Variants in RAD18 observed in about 807,000 individuals in gnomAD.
RAD18 encodes the protein RAD18 E3 ubiquitin protein ligase, also known as E3 ubiquitin-protein ligase RAD18.
RAD18 carries 47 observed loss-of-function variants against 60.4 expected under a neutral mutation model. That is an observed-to-expected ratio of 0.78 (90% CI 0.62 to 0.99). The LOEUF (loss-of-function observed/expected upper bound fraction) is 0.99. RAD18 is among the 50% of genes least tolerant of loss of function. RAD18 has a pLI of 0.00. For synonymous variants in RAD18, 225 were observed against 195.5 expected (o/e 1.15, Z -1.26); for missense variants, 640 against 593.3 (o/e 1.08, Z -0.82).
Position 8,881,209 on chromosome 3 carries a change from G to A in RAD18, c.*148C>T. ...TATTTTGTAACATTTTTCCCCTCTG[G>A]AAAAGCAGAAAAGAATGAATATCAG... is the stretch of plus-strand genomic sequence containing the variant. On this transcript the variant is annotated 3_prime_UTR_variant, in exon 13 of 13. Coordinates refer to ENST00000264926, the MANE Select transcript of RAD18 (RefSeq NM_020165.4). The A allele has an allele frequency of 1.5e-6, 1 of 674,956 alleles. No homozygotes were observed. Among genetic ancestry groups the A allele is most frequent in the East Asian group, 3.0e-5 (1 of 33,784 alleles). The allele number at this position is 674,956 out of a possible 1,614,324, so 41.8% of individuals were successfully genotyped here.
chr3:8,909,665 C>G (rs1245650018), intron 9 of RAD18, among the ~76,000 whole-genome samples: 1 of 152,018 alleles, frequency 6.6e-6, no homozygotes, highest in Non-Finnish European at 1.5e-5. Context: ...TACAAACAGC[C>G]AAATTATCAA....
At chr3:8,960,010 G>A (rs890988119) in intron 1 of RAD18, among the ~76,000 whole-genome samples, 2 of 152,112 alleles carry the variant, frequency 1.3e-5, no homozygotes, top group Non-Finnish European at 2.9e-5. Context: ...AGGAAGAGGT[G>A]AGTAAGAATG....
At chr3:8,937,761 C>A (rs1346068825) in intron 6 of RAD18, among the ~76,000 whole-genome samples, 1 of 152,122 alleles carries the variant, frequency 6.6e-6, no homozygotes, top group Non-Finnish European at 1.5e-5. Flanking sequence ...CTAACAGTAA[C>A]CCTTAATGTA....
intron 2 of RAD18, among the ~76,000 whole-genome samples, chr3:8,950,948 G>C (rs1335227264): frequency 6.6e-6 from 1 of 151,968 alleles, no homozygotes. Flanking sequence ...CATGTCAATG[G>C]AAACCTCCAA....
At chr3:8,947,197 T>A (rs768515937) in intron 4 of RAD18, 23 bp downstream of exon 4, 18 of 1,551,662 alleles carry the variant, frequency 1.2e-5, no homozygotes, top group Non-Finnish European at 1.6e-5. Flanking sequence ...TAGTTAGAGG[T>A]TAGTCACAAA....
chr3:8,941,258 T>C (rs775604320), intron 5 of RAD18, among the ~76,000 whole-genome samples: 4 of 152,180 alleles, frequency 2.6e-5, no homozygotes, highest in Non-Finnish European at 5.9e-5. Context: ...TAATTAAAAT[T>C]GTTTCCTTTT....
At chr3:8,899,557 G>A (rs973720729) in intron 10 of RAD18, among the ~76,000 whole-genome samples, 2 of 152,108 alleles carry the variant, frequency 1.3e-5, no homozygotes, top group Non-Finnish European at 2.9e-5. Flanking sequence ...ACAGACATAA[G>A]GAATATTTCC....
intron 12 of RAD18, 83 bp from the exon 13 acceptor site, chr3:8,881,542 T>C (rs1939462470): frequency 9.1e-7 from 1 of 1,097,476 alleles, no homozygotes; most frequent in Non-Finnish European, 1.4e-6. Context: ...TTTTCACACA[T>C]ATTATTTCAT....
chr3:8,904,490 G>A (rs1391185670), intron 9 of RAD18, among the ~76,000 whole-genome samples: 1 of 152,128 alleles, frequency 6.6e-6, no homozygotes, highest in Non-Finnish European at 1.5e-5. Context: ...GCTATAAAAT[G>A]TATGGCATAT....
At chr3:8,941,952 A>G (rs1168099629) in intron 4 of RAD18, 148 bp from the exon 5 acceptor site, 2 of 714,800 alleles carry the variant, frequency 2.8e-6, no homozygotes, top group African/African-American at 1.8e-5. Context: ...TTCTTCTAGT[A>G]TAACTCAAAG....
chr3:8,940,461 A>G (rs1940728776), intron 5 of RAD18, among the ~76,000 whole-genome samples: 1 of 152,216 alleles, frequency 6.6e-6, no homozygotes, highest in Admixed American at 6.5e-5. Context: ...TGAAATTTAT[A>G]TATCTTTAAA....
chr3:8,913,672 C>T lies in RAD18; in HGVS notation c.938G>A (p.Arg313His), dbSNP rs150523552. The T allele has an allele frequency of 3.1e-5, 49 of 1,573,396 alleles. No individual in the cohort carries two copies. The highest frequency in any genetic ancestry group is 2.5e-4 in the African/African-American group (18 of 72,960). ...EIENIEKTRMRLEASKLNESV... is the reference protein window; with the variant it reads ...EIENIEKTRMHLEASKLNESV... ...TTCATTGAGTTTACTAGCTTCAAGA[C>T]GCATCCTAGTCTTCTCTATATTTTC... The change falls in exon 8 of 13, where the codon CGT becomes CAT. Residue 313 changes from arginine (R) to histidine (H), a missense_variant. Transcript: ENST00000264926.
At chr3:8,944,204 C>A (rs1226798097) in intron 4 of RAD18, among the ~76,000 whole-genome samples, 1 of 152,058 alleles carries the variant, frequency 6.6e-6, no homozygotes, top group African/African-American at 2.4e-5. Context: ...ATAAAATGGA[C>A]AAATTCTTTG....
Position 8,914,787 on chromosome 3 carries a change from C to T in RAD18, c.890-1067G>A, listed in dbSNP as rs1248697582. ...AGGGACCATTTGCATTCTATCCAATCCATTAATACAAGTATCACTAAAGAC... is the reference window on the plus strand; with the variant it reads ...AGGGACCATTTGCATTCTATCCAATTCATTAATACAAGTATCACTAAAGAC... On this transcript the variant is annotated intron_variant, in intron 7 of 12. Transcript: ENST00000264926. 2.6e-5 allele frequency among the ~76,000 whole-genome samples: 4 copies of T among 152,098 alleles called. No homozygotes were observed. The East Asian group carries it at 5.8e-4, about 22-fold the overall frequency.
chr3:8,942,590 C>T (rs1190706893), intron 4 of RAD18, among the ~76,000 whole-genome samples: 1 of 152,124 alleles, frequency 6.6e-6, no homozygotes, highest in Non-Finnish European at 1.5e-5. Flanking sequence ...TGAAGTAGTC[C>T]AACATTTCCC....
rs764550531 is a variant in RAD18 at position 8,963,415 on chromosome 3, C to A, written c.-30G>T. On this transcript the variant is annotated 5_prime_UTR_variant, in exon 1 of 13. Coordinates refer to ENST00000264926, the MANE Select transcript of RAD18 (RefSeq NM_020165.4). ...GCTCCCGAGGATGCTGGGGGTCAGC[C>A]ACCCACTAGCCTCCGGCGCTCCAAC... 6.4e-7 allele frequency: 1 copy of A among 1,571,064 alleles called. No homozygotes were observed.
intron 11 of RAD18, among the ~76,000 whole-genome samples, chr3:8,893,664 T>A (rs1464068833): frequency 6.6e-6 from 1 of 151,860 alleles, no homozygotes; most frequent in African/African-American, 2.4e-5. Flanking sequence ...GCCACAGTGA[T>A]AATTACTTTG....
intron 12 of RAD18, among the ~76,000 whole-genome samples, chr3:8,888,140 G>C (rs758057568): frequency 6.6e-6 from 1 of 152,190 alleles, no homozygotes; most frequent in Non-Finnish European, 1.5e-5. Context: ...CACTTCCCTT[G>C]TTCCTGTCTT....
Position 8,941,769 on chromosome 3 carries a change from G to A in RAD18, c.302C>T (p.Ala101Val). The A allele has an allele frequency of 6.2e-7, 1 of 1,613,936 alleles. No individual in the cohort carries two copies. Among genetic ancestry groups the A allele is most frequent in the Non-Finnish European group, 8.5e-7 (1 of 1,179,914 alleles). The change falls in exon 5 of 13, where the codon GCC (alanine) becomes GTC (valine). Residue 101 changes from alanine to valine, a missense_variant. Physicochemically the swap from Ala to Val is moderately conservative, Grantham distance 64. Transcript: ENST00000264926. ...HLLQFALESP[A>V]KSPASSSSKN... Reference sequence around the variant, plus strand: ...TGAAGAGGAAGAAGCAGGAGATTTGGCTGGTGACTCTAAAGCAAACTGCAG... The same window carrying A: ...TGAAGAGGAAGAAGCAGGAGATTTGACTGGTGACTCTAAAGCAAACTGCAG...
Sources: allele counts gnomAD v4.1 joint callset (sites outside exome capture counted in the v4.1 genomes callset), GRCh38; gene constraint gnomAD v4.1.1; transcripts MANE v1.5; gene names NCBI Gene and HGNC (gene_info 2026-07-23, HGNC 2026-07-21).